Variants in LYST observed in about 807,000 individuals in gnomAD.
LYST encodes lysosomal-trafficking regulator.
A neutral mutation model predicts 413.6 loss-of-function variants in LYST; 192 were observed. The ratio of observed to expected loss-of-function variants is 0.46; its 90% CI spans 0.41 to 0.52. The LOEUF is 0.52. Ranked by LOEUF, LYST falls within the 20% of genes least tolerant of loss-of-function variation. The probability of loss-of-function intolerance (pLI) is 0.00; values close to 1 mark genes in which losing one functional copy is unlikely to be tolerated. For synonymous variants in LYST, 1,525 were observed against 1,567.3 expected (o/e 0.97, Z 0.64); for missense variants, 3,815 against 4,499.9 (o/e 0.85, Z 4.35).
rs370725333 is a variant in LYST at position 235,755,526 on chromosome 1, T to C, written c.7181A>G (p.Glu2394Gly). 1.3e-5 allele frequency: 21 copies of C among 1,613,782 alleles called. No individual in the cohort carries two copies. Among genetic ancestry groups the C allele is most frequent in the Non-Finnish European group, 1.7e-5 (20 of 1,179,788 alleles). ...ACCAAAGAACATTTCGATGAAGCAT[T>C]CTAACAATTCTTGAGTTCCTCGATG... is the stretch of plus-strand genomic sequence containing the variant. ...YLHRGTQELL[E>G]CFIEMFFGRH... The change falls in exon 25 of 53, where the codon GAA becomes GGA. Residue 2394 changes from glutamate to glycine, a missense_variant. This residue lies in a region of LYST where 771 missense variants were observed against 837.1 expected (regional missense o/e 0.92). Transcript: ENST00000389793.
intron 50 of LYST, among the ~76,000 whole-genome samples, chr1:235,669,916 G>A (rs1658795706): frequency 1.3e-5 from 2 of 152,150 alleles, no homozygotes; most frequent in Admixed American, 6.5e-5. Flanking sequence ...GCAGAGTGGG[G>A]GGTGGGGATT....
chr1:235,841,021 T>G (rs1677140945), intron 1 of LYST, among the ~76,000 whole-genome samples: 1 of 152,092 alleles, frequency 6.6e-6, no homozygotes, highest in Non-Finnish European at 1.5e-5. Flanking sequence ...GTGTGCAGAG[T>G]CTGCTGTCAG....
chr1:235,712,745 G>A, intron 42 of LYST: 1 of 985,068 alleles, frequency 1.0e-6, no homozygotes, highest in South Asian at 4.7e-5. Context: ...CTAACTCTGA[G>A]CTAAAGAATT....
At chr1:235,707,150 C>T (rs762991459) in intron 44 of LYST, among the ~76,000 whole-genome samples, 1 of 152,214 alleles carries the variant, frequency 6.6e-6, no homozygotes, top group East Asian at 1.9e-4. Context: ...TTGGACTCTA[C>T]TACTACATCC....
intron 50 of LYST, among the ~76,000 whole-genome samples, chr1:235,673,711 G>A (rs575654471): frequency 5.3e-5 from 8 of 152,086 alleles, no homozygotes; most frequent in East Asian, 1.9e-4. Flanking sequence ...TTTGAAATGC[G>A]CTTTGTTTCT....
At chr1:235,756,039 ATATCTATATCTATATCTATATCTG>A (rs1351636774) in intron 24 of LYST, among the ~76,000 whole-genome samples, 14 of 145,588 alleles carry the variant, frequency 9.6e-5, no homozygotes, top group African/African-American at 3.3e-4. Context: ...ATCTATATCT[ATATCTATATCTATATCTATATCTG>A]TATCTATATC....
chr1:235,729,709 G>C, intron 36 of LYST, 52 bp from the exon 37 acceptor site: 2 of 1,239,338 alleles, frequency 1.6e-6, no homozygotes, highest in Non-Finnish European at 2.4e-6. Flanking sequence ...ACCAATTTCA[G>C]AGAGGATATG....
intron 38 of LYST, 61 bp downstream of exon 38, chr1:235,728,015 A>G (rs1277202320): frequency 1.7e-6 from 2 of 1,169,204 alleles, no homozygotes; most frequent in African/African-American, 3.0e-5. Context: ...GTTATACTGA[A>G]TTGATACATT....
rs1660254621 is a variant in LYST, at chr1:235,686,762, T to C, written c.10800+187A>G. Reference sequence around the variant, plus strand: ...CGTCTCTGAAAAAAAATGGGACTACTACAATTGTTTTCAAGATTTTTCATG... The same window carrying C: ...CGTCTCTGAAAAAAAATGGGACTACCACAATTGTTTTCAAGATTTTTCATG... On this transcript the variant is annotated intron_variant, in intron 48 of 52. Transcript: ENST00000389793. The surrounding 1 kb of genome is among the most constrained non-coding windows in gnomAD (Gnocchi z 4.0). Among the ~76,000 whole-genome samples the C allele has an allele frequency of 2.0e-5, 3 of 152,224 alleles. No individual in the cohort carries two copies. Among genetic ancestry groups the C allele is most frequent in the Admixed American group, 2.0e-4 (3 of 15,292 alleles).
At chr1:235,723,309 G>T (rs1341158571) in intron 39 of LYST, among the ~76,000 whole-genome samples, 2 of 152,194 alleles carry the variant, frequency 1.3e-5, no homozygotes, top group East Asian at 3.8e-4. Context: ...GCATTCAGGG[G>T]AGAGGTTTGG....
chr1:235,873,750 A>G (rs1681032712), intron 1 of LYST, among the ~76,000 whole-genome samples: 1 of 152,172 alleles, frequency 6.6e-6, no homozygotes, highest in African/African-American at 2.4e-5. Flanking sequence ...ATTAACTTTC[A>G]CCTGAAACCA....
At chr1:235,770,914 G>C (rs1370170609) in intron 19 of LYST, among the ~76,000 whole-genome samples, 6 of 151,770 alleles carry the variant, frequency 4.0e-5, no homozygotes, top group African/African-American at 7.3e-5. Flanking sequence ...CATAATACTA[G>C]AGAAAAAAAG....
At chr1:235,845,101 A>G (rs1189362711) in intron 1 of LYST, among the ~76,000 whole-genome samples, 2 of 152,068 alleles carry the variant, frequency 1.3e-5, no homozygotes, top group Non-Finnish European at 2.9e-5. Flanking sequence ...GGACCCACAG[A>G]CCCTCTGAAG....
chr1:235,738,842 G>C (rs767422000), intron 31 of LYST: 2 of 775,852 alleles, frequency 2.6e-6, no homozygotes, highest in Non-Finnish European at 4.8e-6. Flanking sequence ...GTGGAATAAA[G>C]GATGATGTCT....
chr1:235,779,451 C>T (rs1162285917), intron 16 of LYST, among the ~76,000 whole-genome samples: 2 of 152,196 alleles, frequency 1.3e-5, no homozygotes, highest in African/African-American at 4.8e-5. Context: ...CTCAGTCTCC[C>T]TAAGGCAGAG....
chr1:235,757,922 T>C (rs1027432439), intron 23 of LYST, among the ~76,000 whole-genome samples: 11 of 151,706 alleles, frequency 7.3e-5, no homozygotes, highest in Non-Finnish European at 1.0e-4. Context: ...AACAGCTTTA[T>C]TAGGAGTCTA....
chr1:235,746,324 C>T lies in LYST; in HGVS notation c.7972+12G>A. On this transcript the variant is annotated intron_variant, in intron 29 of 52. Transcript: ENST00000389793. ...AAATCTGAGGAAAAACAAACTAATC[C>T]TATAGTCTTACCTTGATAAATAATC... is the stretch of plus-strand genomic sequence containing the variant. 2 of 1,609,926 alleles carry T rather than the reference C, an allele frequency of 1.2e-6. No homozygotes were observed. The highest frequency in any genetic ancestry group is 1.7e-6 in the Non-Finnish European group (2 of 1,176,360).
In LYST at chr1:235,691,110, G is replaced by A. The variant is rs535879040; in HGVS notation, c.10701+2240C>T. On this transcript the variant is annotated intron_variant, in intron 47 of 52. Transcript: ENST00000389793. Reference sequence around the variant, plus strand: ...TTTTTTTGTATTTTTAGTAGAGACGGGGTTTCACTGTGTTAGCCAGGATGG... The same window carrying A: ...TTTTTTTGTATTTTTAGTAGAGACGAGGTTTCACTGTGTTAGCCAGGATGG... 9.1e-3 allele frequency among the ~76,000 whole-genome samples: 1,390 copies of A among 152,092 alleles called. 19 individuals carry two copies. The highest frequency in any genetic ancestry group is 0.031 in the African/African-American group (1,302 of 41,448).
At chr1:235,873,762 A>G (rs1312758825) in intron 1 of LYST, among the ~76,000 whole-genome samples, 1 of 152,210 alleles carries the variant, frequency 6.6e-6, no homozygotes, top group African/African-American at 2.4e-5. Flanking sequence ...CTGAAACCAC[A>G]CTAGCTGTTT....
Sources: allele counts gnomAD v4.1 joint callset (sites outside exome capture counted in the v4.1 genomes callset), GRCh38; gene constraint gnomAD v4.1.1; regional missense constraint gnomAD v4.1.1; non-coding constraint Gnocchi (gnomAD v3.1); transcripts MANE v1.5; gene names NCBI Gene and HGNC (gene_info 2026-07-23, HGNC 2026-07-21).